Variants in SMAP1 observed in about 807,000 individuals in gnomAD.
SMAP1 encodes small ArfGAP 1.
SMAP1 carries 24 observed loss-of-function variants against 58.5 expected under a neutral mutation model. That is an observed-to-expected ratio of 0.41 (90% confidence interval 0.30 to 0.58). The LOEUF is 0.58. Ranked by LOEUF, SMAP1 falls within the 20% of genes least tolerant of loss-of-function variation. The pLI, the probability that SMAP1 is intolerant of heterozygous loss-of-function variation, is 0.29. For synonymous variants in SMAP1, 216 were observed against 196.6 expected (o/e 1.10, Z -0.82); for missense variants, 563 against 566.3 (o/e 0.99, Z 0.06).
chr6:70,734,227 C>T (rs1369864368), intron 2 of SMAP1, among the ~76,000 whole-genome samples: 2 of 151,902 alleles, frequency 1.3e-5, no homozygotes, highest in Non-Finnish European at 2.9e-5. Context: ...CTCACTGCAG[C>T]GTTTGTCTCC....
chr6:70,859,921 T>C (rs1326306778), intron 10 of SMAP1: 1 of 276,928 alleles, frequency 3.6e-6, no homozygotes, highest in Non-Finnish European at 6.7e-6. Flanking sequence ...AGGTGAAAGT[T>C]AGTTAGAGTA....
chr6:70,861,561 A>G lies in SMAP1; in HGVS notation c.*1227A>G. 3.8e-6 allele frequency: 4 copies of G among 1,047,708 alleles called. No homozygotes were observed. The highest frequency in any genetic ancestry group is 5.7e-6 in the Non-Finnish European group (4 of 699,448). 64.9% of individuals were successfully genotyped at this position (1,047,708 alleles called of 1,614,324 possible). A position where few individuals can be genotyped will look rare whatever the true frequency, so the allele number is the denominator to read the frequency against. On this transcript the variant is annotated 3_prime_UTR_variant, in exon 11 of 11. Coordinates refer to ENST00000370455, the MANE Select transcript of SMAP1 (RefSeq NM_001044305.3). ...ATGACAAGAAAGGCTGCTGTACTGA[A>G]GTAAAACAAACAATACCTGAATGCT...
In SMAP1 at chr6:70,707,497, A is replaced by G. The variant is rs1582036385; in HGVS notation, c.119-24881A>G. Among the ~76,000 whole-genome samples, 5 of 152,238 alleles carry G rather than the reference A, an allele frequency of 3.3e-5. No individual in the cohort carries two copies. In the South Asian group the frequency reaches 1.0e-3, roughly 31 times the overall value. ...TTACTGTTGCCTTTGCGAAAAGAAA[A>G]CTAAACACATATTTTCAAAAGCAAA... On this transcript the variant is annotated intron_variant, in intron 1 of 10. Transcript: ENST00000370455.
chr6:70,702,919 A>G (rs557816804), intron 1 of SMAP1, among the ~76,000 whole-genome samples: 1 of 152,328 alleles, frequency 6.6e-6, no homozygotes, highest in South Asian at 2.1e-4. Context: ...GGCATGAGCC[A>G]CTGTGCCTGT....
chr6:70,688,320 G>A (rs1187777182), intron 1 of SMAP1, among the ~76,000 whole-genome samples: 2 of 152,112 alleles, frequency 1.3e-5, no homozygotes, highest in Non-Finnish European at 2.9e-5. Flanking sequence ...TAAGTGCCCA[G>A]TAGTGCAGTT....
chr6:70,824,434 A>AC (rs1472973543), intron 6 of SMAP1, among the ~76,000 whole-genome samples: 1 of 152,104 alleles, frequency 6.6e-6, no homozygotes, highest in African/African-American at 2.4e-5. Flanking sequence ...AATAAAAAGT[A>AC]CCGTTAAAGG....
At chr6:70,783,430 C>T (rs1486338981) in intron 4 of SMAP1, among the ~76,000 whole-genome samples, 1 of 152,210 alleles carries the variant, frequency 6.6e-6, no homozygotes, top group East Asian at 1.9e-4. Context: ...TCCTCACCAG[C>T]AACGGAACAA....
chr6:70,852,505 T>G (rs529964910), intron 7 of SMAP1, 35 bp from the exon 8 acceptor site: 1 of 1,462,996 alleles, frequency 6.8e-7, no homozygotes, highest in African/African-American at 1.4e-5. Flanking sequence ...ATTTAAGATA[T>G]TCTACGTTAA....
chr6:70,719,738 G>A (rs1768435063), intron 1 of SMAP1, among the ~76,000 whole-genome samples: 1 of 152,138 alleles, frequency 6.6e-6, no homozygotes, highest in African/African-American at 2.4e-5. Context: ...AGAAAATGAG[G>A]AAGAAGCAAA....
intron 6 of SMAP1, among the ~76,000 whole-genome samples, chr6:70,822,037 A>G (rs986992515): frequency 2.6e-5 from 4 of 152,200 alleles, no homozygotes; most frequent in African/African-American, 9.6e-5. Context: ...AATGAAAGAA[A>G]GGCTTTTGTT....
At chr6:70,823,232 C>T (rs750786297) in intron 6 of SMAP1, among the ~76,000 whole-genome samples, 117 of 152,210 alleles carry the variant, frequency 7.7e-4, no homozygotes, top group Middle Eastern at 3.4e-3. Flanking sequence ...GTGAAAGGAA[C>T]TCAGATAAAT....
At chr6:70,749,146 G>A (rs1766170224) in intron 2 of SMAP1, among the ~76,000 whole-genome samples, 1 of 152,122 alleles carries the variant, frequency 6.6e-6, no homozygotes, top group African/African-American at 2.4e-5. Flanking sequence ...GAAGGCGAGG[G>A]GAAAGCAAGG....
At chr6:70,702,393 GA>G (rs61082516) in intron 1 of SMAP1, among the ~76,000 whole-genome samples, 63,078 of 150,302 alleles carry the variant, frequency 0.42, 13,678 homozygotes, top group Non-Finnish European at 0.48. Context: ...TTTTTTTGGG[GA>G]GGGGGTCTGT....
chr6:70,716,148 A>C (rs147873555), intron 1 of SMAP1, among the ~76,000 whole-genome samples: 77 of 152,258 alleles, frequency 5.1e-4, no homozygotes, highest in African/African-American at 1.6e-3. Context: ...TTTGATCCAC[A>C]TTTTTGCAAT....
chr6:70,668,564 C>A, intron 1 of SMAP1: 3 of 1,533,858 alleles, frequency 2.0e-6, no homozygotes, highest in Non-Finnish European at 2.6e-6. Context: ...AGGTCTGGAT[C>A]CCCTCCTCTA....
At chr6:70,731,027 T>A (rs1266856862) in intron 1 of SMAP1, among the ~76,000 whole-genome samples, 1 of 152,210 alleles carries the variant, frequency 6.6e-6, no homozygotes, top group African/African-American at 2.4e-5. Context: ...CTCAAACTCC[T>A]GACCTCAAGT....
intron 6 of SMAP1, among the ~76,000 whole-genome samples, chr6:70,822,411 A>C (rs1288712073): frequency 7.9e-6 from 1 of 127,130 alleles, no homozygotes; most frequent in Non-Finnish European, 1.8e-5. Context: ...TCATGGTCAC[A>C]CAGCTATTGA....
chr6:70,860,619 C>T lies in SMAP1; in HGVS notation c.*285C>T, dbSNP rs1562209538. ...CAACTTGCAAAATCAGTTTTCCTCT[C>T]AATAAAATTATAGCTCTAATGTTTG... On this transcript the variant is annotated 3_prime_UTR_variant, in exon 11 of 11. Coordinates refer to ENST00000370455, the MANE Select transcript of SMAP1 (RefSeq NM_001044305.3). The T allele has an allele frequency of 2.1e-5, 9 of 432,214 alleles. No homozygotes were observed. In the South Asian group the frequency reaches 5.4e-4, roughly 26 times the overall value. 26.8% of individuals were successfully genotyped at this position (432,214 alleles called of 1,614,324 possible).
chr6:70,851,237 G>C (rs1379178589), intron 7 of SMAP1, among the ~76,000 whole-genome samples: 1 of 152,120 alleles, frequency 6.6e-6, no homozygotes, highest in Non-Finnish European at 1.5e-5. Context: ...TCGTGACTAT[G>C]TGTTAATAAT....
Sources: gnomAD v4.1 joint callset for allele counts (sites outside exome capture counted in the v4.1 genomes callset) on GRCh38, gnomAD v4.1.1 for gene constraint, MANE v1.5 for transcripts, NCBI Gene and HGNC (gene_info 2026-07-23, HGNC 2026-07-21) for gene names.